GALNTL6: variants seen among roughly 807,000 people sequenced by gnomAD.
The protein encoded by GALNTL6 is polypeptide N-acetylgalactosaminyltransferase-like 6.
A neutral mutation model predicts 73.7 loss-of-function variants in GALNTL6; 46 were observed. The observed-to-expected ratio is 0.62, with a 90% CI of 0.49 to 0.80. The LOEUF (loss-of-function observed/expected upper bound fraction) is 0.80, where lower values mean the gene tolerates loss of function less well. Among genes scored for constraint, GALNTL6 ranks in the 30% least tolerant of loss-of-function variants. The pLI, the probability that GALNTL6 is intolerant of heterozygous loss-of-function variation, is 0.00. For synonymous variants in GALNTL6, 259 were observed against 263.7 expected (o/e 0.98, Z 0.17); for missense variants, 604 against 755.0 (o/e 0.80, Z 2.34).
intron 2 of GALNTL6, among the ~76,000 whole-genome samples, chr4:172,174,594 A>T (rs1339436659): frequency 1.3e-5 from 2 of 152,198 alleles, no homozygotes; most frequent in Non-Finnish European, 2.9e-5. Context: ...CAATTTAATG[A>T]CTATTGATAA....
chr4:172,048,794 C>T (rs973022200), intron 2 of GALNTL6, among the ~76,000 whole-genome samples: 49 of 152,086 alleles, frequency 3.2e-4, no homozygotes, highest in African/African-American at 1.2e-3. Context: ...CAGCCCCATG[C>T]CAAGCACTAA....
intron 4 of GALNTL6, among the ~76,000 whole-genome samples, chr4:172,329,412 G>T (rs1012291345): frequency 2.6e-5 from 4 of 152,142 alleles, no homozygotes; most frequent in Non-Finnish European, 5.9e-5. Flanking sequence ...CATATGCTGG[G>T]TGTCCACTCT....
chr4:172,196,453 A>C (rs1331633341), intron 2 of GALNTL6, among the ~76,000 whole-genome samples: 1 of 152,174 alleles, frequency 6.6e-6, no homozygotes, highest in African/African-American at 2.4e-5. Flanking sequence ...TTATGGGGCC[A>C]AATTCATCCT....
intron 5 of GALNTL6, among the ~76,000 whole-genome samples, chr4:172,646,654 A>T (rs149018960): frequency 1.2e-3 from 175 of 152,130 alleles, no homozygotes; most frequent in African/African-American, 3.6e-3. Flanking sequence ...ATCCCTTGTA[A>T]TAACGCCATT....
At chr4:172,496,685 A>G (rs1277780268) in intron 5 of GALNTL6, among the ~76,000 whole-genome samples, 28 of 152,200 alleles carry the variant, frequency 1.8e-4, no homozygotes, top group Admixed American at 1.8e-3. Context: ...CTTATCTCAA[A>G]AAATAATTAA....
chr4:172,083,442 A>G (rs895798562), intron 2 of GALNTL6, among the ~76,000 whole-genome samples: 1 of 152,202 alleles, frequency 6.6e-6, no homozygotes, highest in African/African-American at 2.4e-5. Context: ...TTAGCTCAAG[A>G]TTAATTGTTC....
intron 5 of GALNTL6, among the ~76,000 whole-genome samples, chr4:172,449,630 G>C (rs756209854): frequency 2.0e-5 from 3 of 152,082 alleles, no homozygotes; most frequent in Non-Finnish European, 4.4e-5. Flanking sequence ...CTACAACACT[G>C]GCCGTTCTTT....
rs1387025794 is a variant in GALNTL6, at chr4:172,905,183, C to T, written c.1041+22276C>T. Reference sequence around the variant, plus strand: ...AAAAAGAAAATATCTGTGTTAGAATCACAAAACAGGCCATTACCTTGTTCA... The same window carrying T: ...AAAAAGAAAATATCTGTGTTAGAATTACAAAACAGGCCATTACCTTGTTCA... On this transcript the variant is annotated intron_variant, in intron 8 of 12. Coordinates refer to ENST00000506823, the MANE Select transcript of GALNTL6 (RefSeq NM_001034845.3). Among the ~76,000 whole-genome samples the T allele has an allele frequency of 2.0e-5, 3 of 152,238 alleles. No individual in the cohort carries two copies. The East Asian group carries it at 5.8e-4, about 29-fold the overall frequency.
chr4:171,828,412 A>T (rs1734880527), intron 2 of GALNTL6, among the ~76,000 whole-genome samples: 1 of 152,190 alleles, frequency 6.6e-6, no homozygotes, highest in Non-Finnish European at 1.5e-5. Flanking sequence ...ACCACTAGTG[A>T]TGCTGGAAGT....
chr4:172,128,925 T>G (rs1224617640), intron 2 of GALNTL6, among the ~76,000 whole-genome samples: 1 of 152,192 alleles, frequency 6.6e-6, no homozygotes, highest in African/African-American at 2.4e-5. Flanking sequence ...GAGCTCAAGA[T>G]TTTGGCCTGT....
chr4:172,864,589 T>G (rs1744568267), intron 7 of GALNTL6, among the ~76,000 whole-genome samples: 1 of 152,204 alleles, frequency 6.6e-6, no homozygotes, highest in Admixed American at 6.5e-5. Flanking sequence ...ATATCTCTAT[T>G]TCAGTTTTTT....
chr4:172,424,038 T>C (rs1052061546), intron 5 of GALNTL6, among the ~76,000 whole-genome samples: 2 of 152,062 alleles, frequency 1.3e-5, no homozygotes, highest in African/African-American at 2.4e-5. Flanking sequence ...AAAGATTTTG[T>C]AGGTGATGGA....
chr4:172,869,584 C>T (rs1206905942), intron 7 of GALNTL6, among the ~76,000 whole-genome samples: 1 of 152,210 alleles, frequency 6.6e-6, no homozygotes, highest in East Asian at 1.9e-4. Context: ...CTCCTAACCA[C>T]TACTCTACAT....
At chr4:171,832,463 T>C (rs1380077983) in intron 2 of GALNTL6, among the ~76,000 whole-genome samples, 3 of 151,650 alleles carry the variant, frequency 2.0e-5, no homozygotes, top group Non-Finnish European at 3.0e-5. Flanking sequence ...ACTAGTGACA[T>C]TGAATAGATA....
intron 2 of GALNTL6, among the ~76,000 whole-genome samples, chr4:172,207,980 G>T (rs561438684): frequency 6.0e-4 from 91 of 152,232 alleles, no homozygotes; most frequent in African/African-American, 2.2e-3. Flanking sequence ...GTTCTTAAAG[G>T]GACAATCACT....
intron 3 of GALNTL6, among the ~76,000 whole-genome samples, chr4:172,281,747 G>A (rs59387288): frequency 0.016 from 2,419 of 152,060 alleles, 63 homozygotes; most frequent in African/African-American, 0.054. Context: ...TGATTGTCTT[G>A]CTCTCACCTG....
rs563244976 is a variant in GALNTL6 at position 171,923,786 on chromosome 4, CTGTGTGTGTGTG to C, written c.138+109098_138+109109del. Among the ~76,000 whole-genome samples, 991 of 133,288 alleles carry C rather than the reference CTGTGTGTGTGTG, an allele frequency of 7.4e-3. 16 individuals carry two copies. The highest frequency in any genetic ancestry group is 0.028 in the African/African-American group (944 of 34,268). The allele number at this position is 133,288 out of a possible 152,430, so 87.4% of individuals were successfully genotyped here. ...CTACCAGGACACACAAAAAGTATTG[CTGTGTGTGTGTG>C]TGTGTGTGTGTGTGTGTGTGTGTGT... On this transcript the variant is annotated intron_variant, in intron 2 of 12. Transcript: ENST00000506823.
At position 172,542,864 on chromosome 4, in the gene GALNTL6, G is replaced by A. The variant is rs1019888026; in HGVS notation, c.553+194175G>A. 2.0e-5 allele frequency among the ~76,000 whole-genome samples: 3 copies of A among 152,008 alleles called. No individual in the cohort carries two copies. In the South Asian group the frequency reaches 6.2e-4, roughly 32 times the overall value. On this transcript the variant is annotated intron_variant, in intron 5 of 12. Transcript: ENST00000506823. The stretch of plus-strand genomic sequence containing the variant: ...TCCCAGCACTTTGGGAGGCGCAGGC[G>A]GGTGGATCACAAGGTCATGAGTTAG...
At chr4:172,481,353 G>A (rs1231283018) in intron 5 of GALNTL6, among the ~76,000 whole-genome samples, 1 of 152,088 alleles carries the variant, frequency 6.6e-6, no homozygotes, top group Non-Finnish European at 1.5e-5. Flanking sequence ...CGGACCCAAA[G>A]AGTGAGCACC....
Sources: allele counts gnomAD v4.1 joint callset (sites outside exome capture counted in the v4.1 genomes callset), GRCh38; gene constraint gnomAD v4.1.1; transcripts MANE v1.5; gene names NCBI Gene and HGNC (gene_info 2026-07-23, HGNC 2026-07-21).